The following ZC3H6 variants were observed in gnomAD, a reference collection of about 807,000 sequenced individuals.
ZC3H6 encodes zinc finger CCCH-type containing 6, also known as zinc finger CCCH domain-containing protein 6.
Under a neutral mutation model 107.7 loss-of-function variants are expected in ZC3H6, and 40 were observed. That is an observed-to-expected ratio of 0.37 (90% CI 0.29 to 0.48). ZC3H6 has a LOEUF of 0.48. Among genes scored for constraint, ZC3H6 ranks in the 20% least tolerant of loss-of-function variants. ZC3H6 has a pLI of 0.98. For missense variants in ZC3H6, 1,267 were observed against 1,410.4 expected (o/e 0.90, Z 1.63); for synonymous variants, 493 against 487.9 (o/e 1.01, Z -0.14).
chr2:112,297,127 A>T (rs974186366), intron 1 of ZC3H6, among the ~76,000 whole-genome samples: 2 of 152,180 alleles, frequency 1.3e-5, no homozygotes, highest in African/African-American at 4.8e-5. Flanking sequence ...ACCATTGAAG[A>T]TTATCTTTTT....
intron 2 of ZC3H6, 83 bp downstream of exon 2, chr2:112,300,112 T>C (rs1676340297): frequency 2.1e-6 from 2 of 954,640 alleles, no homozygotes; most frequent in Non-Finnish European, 2.8e-6. Flanking sequence ...GAAGTCATTA[T>C]TTTATTATAA....
intron 1 of ZC3H6, among the ~76,000 whole-genome samples, chr2:112,288,270 G>A (rs1036490520): frequency 2.0e-5 from 3 of 151,998 alleles, no homozygotes; most frequent in Non-Finnish European, 4.4e-5. Context: ...GAAAATAAGA[G>A]AAATTTCCTC....
chr2:112,298,149 C>T (rs1676278824), intron 1 of ZC3H6, among the ~76,000 whole-genome samples: 1 of 96,620 alleles, frequency 1.0e-5, no homozygotes, highest in Non-Finnish European at 1.8e-5. Flanking sequence ...AGATATATTG[C>T]TTTTTAAAAA....
intron 1 of ZC3H6, among the ~76,000 whole-genome samples, chr2:112,280,014 C>G (rs886712089): frequency 6.6e-6 from 1 of 152,148 alleles, no homozygotes; most frequent in African/African-American, 2.4e-5. Flanking sequence ...TGAATAAAAC[C>G]TTGGTACTGA....
chr2:112,331,168 T>C lies in ZC3H6; in HGVS notation c.2250T>C (p.Ser750=), dbSNP rs566985328. The C allele has an allele frequency of 3.7e-6, 6 of 1,613,538 alleles. No individual in the cohort carries two copies. The highest frequency in any genetic ancestry group is 1.1e-5 in the South Asian group (1 of 91,032). Residue 750 remains serine (S), a synonymous_variant, in exon 12 of 12, where the codon AGT becomes AGC. Coordinates refer to ENST00000409871, the MANE Select transcript of ZC3H6 (RefSeq NM_198581.3). ...ATCCAAGACTTGCTAAAGAGAAAAG[T>C]AAAGGAAACCAAGTGGTTGACCCTA... The part of the protein sequence containing the change: ...PTDPRLAKEK[S]KGNQVVDPRL...
intron 3 of ZC3H6, among the ~76,000 whole-genome samples, chr2:112,305,284 G>A: frequency 6.6e-6 from 1 of 152,172 alleles, no homozygotes. Context: ...TAATGAGACA[G>A]GTTCTGGATT....
At chr2:112,291,576 C>T (rs1376294379) in intron 1 of ZC3H6, among the ~76,000 whole-genome samples, 1 of 152,206 alleles carries the variant, frequency 6.6e-6, no homozygotes, top group Non-Finnish European at 1.5e-5. Flanking sequence ...ATAATACAAA[C>T]ACAACCAGAG....
At position 112,324,181 on chromosome 2, in the gene ZC3H6, C is replaced by T. The variant is rs1676857378; in HGVS notation, c.1370C>T (p.Pro457Leu). The change falls in exon 10 of 12, where the codon CCA becomes CTA. Residue 457 changes from proline (P) to leucine (L), a missense_variant. Around this residue, in one of 3 missense-constraint regions of ZC3H6, gnomAD observed 925 missense variants for 1,025.7 expected, o/e 0.90. Coordinates refer to ENST00000409871, the MANE Select transcript of ZC3H6 (RefSeq NM_198581.3). The stretch of plus-strand genomic sequence containing the variant: ...CCAGCATTTTATACCAGTGCCTCAC[C>T]ACCAGGACCACAATTTCAGGGAAGC... ...KPPAFYTSAS[P>L]PGPQFQGSSP... The T allele has an allele frequency of 1.3e-6, 2 of 1,588,924 alleles. No homozygotes were observed. The highest frequency in any genetic ancestry group is 8.6e-7 in the Non-Finnish European group (1 of 1,159,816).
At chr2:112,302,846 T>C (rs1288973249) in intron 2 of ZC3H6, among the ~76,000 whole-genome samples, 1 of 152,022 alleles carries the variant, frequency 6.6e-6, no homozygotes, top group Non-Finnish European at 1.5e-5. Flanking sequence ...CCATTTTAGG[T>C]AAAAACAAAT....
intron 1 of ZC3H6, among the ~76,000 whole-genome samples, chr2:112,299,347 G>T (rs1173043805): frequency 1.3e-5 from 2 of 151,658 alleles, no homozygotes; most frequent in East Asian, 3.9e-4. Context: ...CTGGATCCTA[G>T]ATCCTCTTTC....
chr2:112,308,551 C>CA (rs1436445878), intron 3 of ZC3H6, among the ~76,000 whole-genome samples: 1 of 150,348 alleles, frequency 6.7e-6, no homozygotes, highest in East Asian at 2.0e-4. Context: ...CTGCCTCAGA[C>CA]TCCTGAGTAG....
intron 9 of ZC3H6, among the ~76,000 whole-genome samples, chr2:112,323,668 TAATTA>T (rs1676846993): frequency 1.3e-5 from 2 of 152,154 alleles, no homozygotes; most frequent in Admixed American, 6.5e-5. Context: ...TTGGAAATAA[TAATTA>T]AATTAGCAAG....
intron 11 of ZC3H6, among the ~76,000 whole-genome samples, chr2:112,328,208 T>C (rs72833428): frequency 0.13 from 19,059 of 152,176 alleles, 1,354 homozygotes; most frequent in Non-Finnish European, 0.16. Context: ...TCTGTTTTTA[T>C]GGAGGTACCA....
chr2:112,276,575 A>G (rs913160525), intron 1 of ZC3H6, among the ~76,000 whole-genome samples: 2 of 152,186 alleles, frequency 1.3e-5, no homozygotes, highest in African/African-American at 2.4e-5. Flanking sequence ...TAATATGTTA[A>G]CACAAAATAC....
intron 1 of ZC3H6, among the ~76,000 whole-genome samples, 158 bp from the exon 2 acceptor site, chr2:112,299,691 A>G (rs114289772): frequency 1.3e-5 from 2 of 152,352 alleles, no homozygotes; most frequent in African/African-American, 2.4e-5. Context: ...CTGCAAATGT[A>G]AAATATTTAC....
chr2:112,310,890 T>G (rs186765098), intron 4 of ZC3H6, among the ~76,000 whole-genome samples: 56 of 152,354 alleles, frequency 3.7e-4, no homozygotes, highest in Admixed American at 3.5e-3. Context: ...TCTATGACTT[T>G]ATTTTTTCTC....
intron 1 of ZC3H6, among the ~76,000 whole-genome samples, chr2:112,285,793 T>G (rs1489099345): frequency 6.6e-6 from 1 of 151,964 alleles, no homozygotes; most frequent in African/African-American, 2.4e-5. Flanking sequence ...AAACCCCATC[T>G]CTACTAAAAA....
rs996892240 is a variant in ZC3H6 at position 112,332,648 on chromosome 2, G to C, written c.*160G>C. ...TGAAGTTATAGCCTCTAAAGCCTGT[G>C]GTATTTTATATAATATTTTTATAAC... On this transcript the variant is annotated 3_prime_UTR_variant, in exon 12 of 12. Transcript: ENST00000409871. 2 of 572,102 alleles carry C rather than the reference G, an allele frequency of 3.5e-6. No homozygotes were observed. The highest frequency in any genetic ancestry group is 2.8e-6 in the Non-Finnish European group (1 of 361,626). 35.4% of individuals were successfully genotyped at this position (572,102 alleles called of 1,614,324 possible). A position where few individuals can be genotyped will look rare whatever the true frequency, so the allele number is the denominator to read the frequency against.
At position 112,320,706 on chromosome 2, in the gene ZC3H6, T is replaced by C. The variant is rs959450583; in HGVS notation, c.977-1050T>C. Among the ~76,000 whole-genome samples the C allele has an allele frequency of 7.9e-5, 12 of 152,292 alleles. No homozygotes were observed. The East Asian group carries it at 2.1e-3, about 27-fold the overall frequency. ...TCTGAAAGCTTTCCATCTATTCTTA[T>C]GGGGTTTTTGTTATATAGTCATGCT... On this transcript the variant is annotated intron_variant, in intron 7 of 11. Coordinates refer to ENST00000409871, the MANE Select transcript of ZC3H6 (RefSeq NM_198581.3).
Sources: allele counts gnomAD v4.1 joint callset (sites outside exome capture counted in the v4.1 genomes callset), GRCh38; gene constraint gnomAD v4.1.1; regional missense constraint gnomAD v4.1.1; transcripts MANE v1.5; gene names NCBI Gene and HGNC (gene_info 2026-07-23, HGNC 2026-07-21).